Variants in KEAP1 observed in about 807,000 individuals in gnomAD.
KEAP1 encodes the protein kelch like ECH associated protein 1.
In KEAP1, 26 loss-of-function variants were observed where a neutral mutation model predicts 59.7. That is an observed-to-expected ratio of 0.44 (90% CI 0.32 to 0.60). The LOEUF is 0.60. KEAP1 is among the 20% of genes least tolerant of loss of function. The pLI, the probability that KEAP1 is intolerant of heterozygous loss-of-function variation, is 0.06. For synonymous variants in KEAP1, 350 were observed against 358.3 expected (o/e 0.98, Z 0.26); for missense variants, 539 against 871.4 (o/e 0.62, Z 4.80).
chr19:10,500,140 G>A lies in KEAP1; in HGVS notation c.-47-60C>T, dbSNP rs1914991648. 2.4e-6 allele frequency: 3 copies of A among 1,253,236 alleles called. No homozygotes were observed. The Admixed American group carries it at 8.9e-5, about 37-fold the overall frequency. 77.6% of individuals were successfully genotyped at this position (1,253,236 alleles called of 1,614,324 possible). Reference sequence around the variant, plus strand: ...GTTGGGACTGGGCCAGCACCTGCCGGGCCTCGTTTTGCAAGATAAAGCAAT... The same window carrying A: ...GTTGGGACTGGGCCAGCACCTGCCGAGCCTCGTTTTGCAAGATAAAGCAAT... On this transcript the variant is annotated intron_variant, in intron 1 of 5. Transcript: ENST00000171111.
Position 10,489,366 on chromosome 19 carries a change from C to A in KEAP1, c.1534G>T (p.Val512Phe), listed in dbSNP as rs148641376. 1 of 1,611,476 alleles carries A rather than the reference C, an allele frequency of 6.2e-7. No homozygotes were observed. The highest frequency in any genetic ancestry group is 8.5e-7 in the Non-Finnish European group (1 of 1,178,198). Residue 512 changes from valine to phenylalanine, a missense_variant and splice_region_variant, in exon 5 of 6, where the codon GTC (valine) becomes TTC (phenylalanine). This residue lies in a region of KEAP1 where 311 missense variants were observed against 425.2 expected (regional missense o/e 0.73). Transcript: ENST00000171111. ...AMNTIRSGAG[V>F]CVLHNCIYAA... Reference sequence around the variant, plus strand: ...TAGATACAGTTGTGCAGGACGCAGACGCCTAAAGGGCACCATGCAGAGAAG... The same window carrying A: ...TAGATACAGTTGTGCAGGACGCAGAAGCCTAAAGGGCACCATGCAGAGAAG...
chr19:10,500,920 G>T (rs7245388), intron 1 of KEAP1, among the ~76,000 whole-genome samples: 70,693 of 151,900 alleles, frequency 0.47, 18,181 homozygotes, highest in African/African-American at 0.69. Flanking sequence ...CCTCAAGTGA[G>T]CCGCCCGCCT....
chr19:10,499,337 A>G lies in KEAP1; in HGVS notation c.639+58T>C, dbSNP rs1190013305. ...ATCTCAAGGGGAGACAGTGATGAGCACTCGTCCATCCCTGGTCCTTCTCCT... is the reference window on the plus strand; with the variant it reads ...ATCTCAAGGGGAGACAGTGATGAGCGCTCGTCCATCCCTGGTCCTTCTCCT... On this transcript the variant is annotated intron_variant, in intron 2 of 5. Transcript: ENST00000171111. The surrounding 1 kb of genome is among the most constrained non-coding windows in gnomAD (Gnocchi z 6.7). 1.4e-6 allele frequency: 2 copies of G among 1,402,592 alleles called. No homozygotes were observed. The highest frequency in any genetic ancestry group is 2.8e-5 in the African/African-American group (2 of 70,574). 86.9% of individuals were successfully genotyped at this position (1,402,592 alleles called of 1,614,324 possible).
chr19:10,489,934 T>G, intron 3 of KEAP1, 81 bp from the exon 4 acceptor site: 2 of 1,339,836 alleles, frequency 1.5e-6, no homozygotes, highest in South Asian at 2.7e-5. Flanking sequence ...ATACTCTTTT[T>G]TTTCCTTTTT....
At position 10,486,836 on chromosome 19, in the gene KEAP1, G is replaced by GGGAT; in HGVS notation, c.1709-22_1709-19dup. On this transcript the variant is annotated intron_variant, in intron 5 of 5. Transcript: ENST00000171111. Reference sequence around the variant, plus strand: ...ATAGCCTCCTGCGGGAAGAACAGAAGGGATGGTCACCACCTGTCACACCAC... The same window carrying GGGAT: ...ATAGCCTCCTGCGGGAAGAACAGAAGGGATGGATGGTCACCACCTGTCACACCAC... 1 of 1,606,160 alleles carries GGGAT rather than the reference G, an allele frequency of 6.2e-7. No individual in the cohort carries two copies. The highest frequency in any genetic ancestry group is 1.3e-5 in the African/African-American group (1 of 74,854).
At position 10,502,668 on chromosome 19, in the gene KEAP1, G is replaced by C. The variant is rs1915083588; in HGVS notation, c.-48+573C>G. Reference sequence around the variant, plus strand: ...GGGGCGCTCGCGGCCCGCGATGCCCGCAGCCCGGGCACATCCCGCCTCACT... The same window carrying C: ...GGGGCGCTCGCGGCCCGCGATGCCCCCAGCCCGGGCACATCCCGCCTCACT... On this transcript the variant is annotated intron_variant, in intron 1 of 5. Coordinates refer to ENST00000171111, the MANE Select transcript of KEAP1 (RefSeq NM_203500.2). The surrounding 1 kb of genome is among the most constrained non-coding windows in gnomAD (Gnocchi z 4.0). 6.6e-6 allele frequency: 1 copy of C among 151,960 alleles called. No individual in the cohort carries two copies. The highest frequency in any genetic ancestry group is 6.6e-5 in the Admixed American group (1 of 15,260). The allele number at this position is 151,960 out of a possible 1,614,324, so 9.4% of individuals were successfully genotyped here.
In KEAP1 at chr19:10,500,087, G is replaced by A. The variant is rs1184641422; in HGVS notation, c.-47-7C>T. 2 of 1,505,530 alleles carry A rather than the reference G, an allele frequency of 1.3e-6. No homozygotes were observed. The highest frequency in any genetic ancestry group is 1.8e-6 in the Non-Finnish European group (2 of 1,127,660). 93.3% of individuals were successfully genotyped at this position (1,505,530 alleles called of 1,614,324 possible). A position where few individuals can be genotyped will look rare whatever the true frequency, so the allele number is the denominator to read the frequency against. On this transcript the variant is annotated splice_region_variant and splice_polypyrimidine_tract_variant and intron_variant, in intron 1 of 5. Transcript: ENST00000171111. ...ACCTCTGGCACTCAGGGACCTGGAG[G>A]GGAGAGAGCACAGGGCAGAGGGCAG...
Position 10,489,304 on chromosome 19 carries a change from G to A in KEAP1, c.1596C>T (p.Asn532=), listed in dbSNP as rs1002946773. 11 of 1,614,026 alleles carry A rather than the reference G, an allele frequency of 6.8e-6. No individual in the cohort carries two copies. Among genetic ancestry groups the A allele is most frequent in the African/African-American group, 1.3e-5 (1 of 75,022 alleles). The change falls in exon 5 of 6, where the codon AAC becomes AAT. Residue 532 remains asparagine, a synonymous_variant. Coordinates refer to ENST00000171111, the MANE Select transcript of KEAP1 (RefSeq NM_203500.2). The part of the protein sequence containing the change: ...AGGYDGQDQL[N]SVERYDVETE... ...TTTCCACATCGTAGCGCTCCACGCT[G>A]TTCAGCTGGTCCTGACCATCATAGC...
chr19:10,495,142 A>C (rs542764187), intron 2 of KEAP1, among the ~76,000 whole-genome samples: 71 of 151,692 alleles, frequency 4.7e-4, no homozygotes, highest in Non-Finnish European at 8.7e-4. Context: ...TTGTATTTTT[A>C]GTAGAGATGG....
In KEAP1 at chr19:10,491,368, G is replaced by C. The variant is rs1196468047; in HGVS notation, c.1325+209C>G. On this transcript the variant is annotated intron_variant, in intron 3 of 5. Transcript: ENST00000171111. The surrounding 1 kb of genome is among the most constrained non-coding windows in gnomAD (Gnocchi z 5.2). ...CCGCACAAAGGAACCATATGGGTTT[G>C]TGACAGTCCCCTAAGCATTTCCCAG... Among the ~76,000 whole-genome samples the C allele has an allele frequency of 1.3e-5, 2 of 152,146 alleles. No homozygotes were observed. Among genetic ancestry groups the C allele is most frequent in the African/African-American group, 4.8e-5 (2 of 41,432 alleles).
chr19:10,491,490 G>T lies in KEAP1; in HGVS notation c.1325+87C>A. On this transcript the variant is annotated intron_variant, in intron 3 of 5. Coordinates refer to ENST00000171111, the MANE Select transcript of KEAP1 (RefSeq NM_203500.2). This position sits in a 1 kb window ranked among gnomAD's most constrained non-coding sequence, Gnocchi z 5.2. ...TCCCTGAAGACAGGAAGAGGAAACAGCCTCAGGAAGAATACCCGGATCTCA... is the reference window on the plus strand; with the variant it reads ...TCCCTGAAGACAGGAAGAGGAAACATCCTCAGGAAGAATACCCGGATCTCA... 8.4e-7 allele frequency: 1 copy of T among 1,185,522 alleles called. No individual in the cohort carries two copies. Among genetic ancestry groups the T allele is most frequent in the Non-Finnish European group, 1.1e-6 (1 of 876,950 alleles). 73.4% of individuals were successfully genotyped at this position (1,185,522 alleles called of 1,614,324 possible). A position where few individuals can be genotyped will look rare whatever the true frequency, so the allele number is the denominator to read the frequency against.
rs1599482321 is a variant in KEAP1 at position 10,489,779 on chromosome 19, A to G, written c.1400T>C (p.Val467Ala). The change falls in exon 4 of 6, where the codon GTC (valine) becomes GCC (alanine). Residue 467 changes from valine to alanine, a missense_variant. Physicochemically the swap from Val to Ala is moderately conservative, Grantham distance 64. This residue lies in a region of KEAP1 where 311 missense variants were observed against 425.2 expected (regional missense o/e 0.73). Coordinates refer to ENST00000171111, the MANE Select transcript of KEAP1 (RefSeq NM_203500.2). ...CACGGCATAAAGGAGACGATTGAGG[A>G]CAGCCACGCCCACCCCGATCCTTCG... ...LTRRIGVGVA[V>A]LNRLLYAVGG... 6.2e-7 allele frequency: 1 copy of G among 1,614,160 alleles called. No homozygotes were observed. The highest frequency in any genetic ancestry group is 1.1e-5 in the South Asian group (1 of 91,080).
At chr19:10,495,657 C>T (rs62131892) in intron 2 of KEAP1, among the ~76,000 whole-genome samples, 1,646 of 151,904 alleles carry the variant, frequency 0.011, 17 homozygotes, top group Non-Finnish European at 0.018. Context: ...GAGATTGTGC[C>T]ACTGTACTCC....
intron 2 of KEAP1, among the ~76,000 whole-genome samples, chr19:10,493,838 A>G (rs913912200): frequency 1.5e-4 from 22 of 149,088 alleles, no homozygotes; most frequent in Admixed American, 7.3e-4. Context: ...TGGGATTACA[A>G]GCGTGAGCCA....
In KEAP1 at chr19:10,503,286, C is replaced by T. The variant is rs1310416513; in HGVS notation, c.-93G>A. On this transcript the variant is annotated 5_prime_UTR_variant, in exon 1 of 6. Transcript: ENST00000171111. The surrounding 1 kb of genome is among the most constrained non-coding windows in gnomAD (Gnocchi z 4.3). ...GGGCGCCTCCGCCGTCGGGGGGCCT[C>T]GGCTCCAGGGCTGCGTGGCCTGCGG... 6.6e-6 allele frequency: 1 copy of T among 152,552 alleles called. No homozygotes were observed. The highest frequency in any genetic ancestry group is 2.4e-5 in the African/African-American group (1 of 41,592). 9.4% of individuals were successfully genotyped at this position (152,552 alleles called of 1,614,324 possible).
chr19:10,489,367 G>T lies in KEAP1; in HGVS notation c.1533C>A (p.Gly511=), dbSNP rs535714822. The change falls in exon 5 of 6, where the codon GGC becomes GGA. Residue 511 remains glycine (G), a splice_region_variant and synonymous_variant. Coordinates refer to ENST00000171111, the MANE Select transcript of KEAP1 (RefSeq NM_203500.2). ...TAMNTIRSGA[G]VCVLHNCIYA... Reference sequence around the variant, plus strand: ...AGATACAGTTGTGCAGGACGCAGACGCCTAAAGGGCACCATGCAGAGAAGG... The same window carrying T: ...AGATACAGTTGTGCAGGACGCAGACTCCTAAAGGGCACCATGCAGAGAAGG... 3.7e-6 allele frequency: 6 copies of T among 1,611,146 alleles called. No individual in the cohort carries two copies. Among genetic ancestry groups the T allele is most frequent in the East Asian group, 2.2e-5 (1 of 44,774 alleles).
intron 2 of KEAP1, among the ~76,000 whole-genome samples, chr19:10,493,503 T>C (rs1914749769): frequency 6.6e-6 from 1 of 150,518 alleles, no homozygotes; most frequent in Non-Finnish European, 1.5e-5. Flanking sequence ...AGTTTCACTA[T>C]GTATTTTTAG....
At chr19:10,493,309 C>T (rs1045164532) in intron 2 of KEAP1, among the ~76,000 whole-genome samples, 3 of 151,732 alleles carry the variant, frequency 2.0e-5, no homozygotes, top group Non-Finnish European at 4.4e-5. Flanking sequence ...CAGGCGCCCG[C>T]GACCACGCCC....
intron 1 of KEAP1, 26 bp from the exon 2 acceptor site, chr19:10,500,106 A>G (rs1279696861): frequency 2.0e-6 from 3 of 1,464,274 alleles, no homozygotes; most frequent in Non-Finnish European, 2.7e-6. Context: ...CACAGGGCAG[A>G]GGGCAGGGGT....
Sources: gnomAD v4.1 joint callset for allele counts (sites outside exome capture counted in the v4.1 genomes callset) on GRCh38, gnomAD v4.1.1 for gene constraint, gnomAD v4.1.1 regional missense constraint, Gnocchi (gnomAD v3.1) non-coding constraint, MANE v1.5 for transcripts, NCBI Gene and HGNC (gene_info 2026-07-23, HGNC 2026-07-21) for gene names.